Variants in MTMR1 observed in about 807,000 individuals in gnomAD.
MTMR1 encodes myotubularin related protein 1, also known as phosphatidylinositol-3-phosphate phosphatase MTMR1.
MTMR1 carries 17 observed loss-of-function variants against 51.6 expected under a neutral mutation model. The observed-to-expected ratio is 0.33, with a 90% CI of 0.23 to 0.49. The LOEUF is 0.49. MTMR1 is among the 20% of genes least tolerant of loss of function. The pLI is 0.99. For missense variants in MTMR1, 386 were observed against 526.9 expected (o/e 0.73, Z 2.62); for synonymous variants, 201 against 205.6 (o/e 0.98, Z 0.19).
At chrX:150,742,255 G>A (rs1191461840) in intron 12 of MTMR1, among the ~76,000 whole-genome samples, 1 of 111,699 alleles carries the variant, frequency 9.0e-6, no homozygotes, top group African/African-American at 3.3e-5. Flanking sequence ...TTACTCCTAG[G>A]CTACAAACCT....
chrX:150,757,249 C>T (rs962449651), intron 15 of MTMR1, among the ~76,000 whole-genome samples: 1 of 112,435 alleles, frequency 8.9e-6, no homozygotes, highest in South Asian at 3.7e-4. Flanking sequence ...TGGAAAGCTC[C>T]CTCACTGGTG....
In MTMR1 at chrX:150,732,559, T is replaced by C; in HGVS notation, c.909T>C (p.His303=). The stretch of plus-strand genomic sequence containing the variant: ...AACACTAGGTGTTGTCATGGATTCA[T>C]CCGGAAAGTCAAGCAACGATTACCC... ...KGRVPVLSWI[H]PESQATITRC... Residue 303 remains histidine, a synonymous_variant, in exon 10 of 16, where the codon CAT becomes CAC. Transcript: ENST00000445323. 8.3e-7 allele frequency: 1 copy of C among 1,208,765 alleles called. No homozygotes were observed. Among genetic ancestry groups the C allele is most frequent in the Non-Finnish European group, 1.1e-6 (1 of 893,979 alleles).
chrX:150,735,651 CTTA>C, intron 10 of MTMR1: 3 of 351,582 alleles, frequency 8.5e-6, no homozygotes, highest in Non-Finnish European at 1.5e-5. Flanking sequence ...TTAAAAAAAA[CTTA>C]TTGTTACTAT....
At chrX:150,745,249 G>A (rs188788348) in intron 13 of MTMR1, among the ~76,000 whole-genome samples, 2 of 112,073 alleles carry the variant, frequency 1.8e-5, no homozygotes, top group Admixed American at 9.4e-5. Flanking sequence ...TGCCTGCTGC[G>A]CAACCTGGCT....
chrX:150,693,395 T>A (rs2148532256), upstream of MTMR1: 1 of 718,508 alleles, frequency 1.4e-6, no homozygotes, highest in African/African-American at 2.4e-5. Context: ...GGCCGCCAGG[T>A]GACAGCTAAT....
Position 150,737,316 on chromosome X carries a change from C to T in MTMR1, c.1341C>T (p.Ser447=), listed in dbSNP as rs782741204. The change falls in exon 12 of 16, where the codon AGC becomes AGT. Residue 447 remains serine (S), a synonymous_variant. Transcript: ENST00000445323. ...SGKTSVVVHC[S]DGWDRTAQLT... ...AAACATCTGTGGTGGTGCATTGCAG[C>T]GACGGTTGGGACCGAACAGCCCAGC... 4.1e-6 allele frequency: 5 copies of T among 1,209,523 alleles called. No individual in the cohort carries two copies. The highest frequency in any genetic ancestry group is 3.5e-5 in the South Asian group (2 of 56,812).
intron 4 of MTMR1, among the ~76,000 whole-genome samples, chrX:150,726,483 A>C (rs1470208809): frequency 3.6e-5 from 4 of 111,981 alleles, no homozygotes; most frequent in African/African-American, 1.3e-4. Flanking sequence ...CTCTCAGTAC[A>C]TAAGGAGTAT....
chrX:150,759,755 C>G (rs940832816), intron 15 of MTMR1, among the ~76,000 whole-genome samples: 1 of 110,283 alleles, frequency 9.1e-6, no homozygotes, highest in East Asian at 2.8e-4. Context: ...ATGATGGAAA[C>G]CACAGCGACA....
At chrX:150,734,792 G>A (rs909566322) in intron 10 of MTMR1, among the ~76,000 whole-genome samples, 5 of 112,368 alleles carry the variant, frequency 4.4e-5, no homozygotes, top group African/African-American at 9.7e-5. Context: ...TTACAATCTG[G>A]CTGCCTTTCA....
intron 14 of MTMR1, among the ~76,000 whole-genome samples, chrX:150,751,910 CTTTTTTTTTTT>C (rs35937277): frequency 2.4e-5 from 1 of 41,622 alleles, no homozygotes; most frequent in Non-Finnish European, 4.2e-5. Flanking sequence ...CTTTTTCTTT[CTTTTTTTTTTT>C]TTTTTTTTTT....
chrX:150,744,288 C>T, intron 12 of MTMR1, 73 bp from the exon 13 acceptor site: 1 of 854,377 alleles, frequency 1.2e-6, no homozygotes, highest in Non-Finnish European at 1.7e-6. Flanking sequence ...ATTCTTACCA[C>T]TGGACAACTT....
chrX:150,712,583 G>A (rs1456823374), intron 3 of MTMR1: 12 of 385,956 alleles, frequency 3.1e-5, no homozygotes, highest in East Asian at 1.3e-4. Flanking sequence ...GTGTGAGGGC[G>A]GGATGCTAAA....
In MTMR1 at chrX:150,755,706, G is replaced by A. The variant is rs142761785; in HGVS notation, c.1698G>A (p.Thr566=). The change falls in exon 15 of 16, where the codon ACG becomes ACA. Residue 566 remains threonine (T), a synonymous_variant. Coordinates refer to ENST00000445323, the MANE Select transcript of MTMR1 (RefSeq NM_001306144.3). The part of the protein sequence containing the change: ...QRFKEDVYTK[T]ISLWSYINSQ... ...TTTTTCAGGATGTATATACAAAGAC[G>A]ATATCTTTATGGTCGTATATCAATA... 1.3e-5 allele frequency: 15 copies of A among 1,182,824 alleles called. No individual in the cohort carries two copies. Among genetic ancestry groups the A allele is most frequent in the African/African-American group, 1.8e-5 (1 of 55,077 alleles).
At chrX:150,717,757 T>C (rs1557416445) in intron 3 of MTMR1, among the ~76,000 whole-genome samples, 1 of 111,873 alleles carries the variant, frequency 8.9e-6, no homozygotes, top group African/African-American at 3.3e-5. Context: ...GCAGTGCCAA[T>C]CTGCTAATTT....
chrX:150,735,578 T>C (rs1304183656), intron 10 of MTMR1: 10 of 447,442 alleles, frequency 2.2e-5, no homozygotes, highest in Non-Finnish European at 3.5e-5. Context: ...AACCTTGAAA[T>C]TGGACTTCTG....
At chrX:150,760,224 T>C (rs1446642524) in intron 15 of MTMR1, among the ~76,000 whole-genome samples, 2 of 106,853 alleles carry the variant, frequency 1.9e-5, no homozygotes, top group African/African-American at 6.7e-5. Context: ...GGGGAGTGCA[T>C]TGAAGACAGG....
rs371653998 is a variant in MTMR1 at position 150,730,573 on chromosome X, A to C, written c.706A>C (p.Lys236Gln). The C allele has an allele frequency of 1.5e-5, 17 of 1,166,828 alleles. No individual in the cohort carries two copies. In the African/African-American group the frequency reaches 2.8e-4, roughly 19 times the overall value. Residue 236 changes from lysine to glutamine, a missense_variant, in exon 8 of 16, where the codon AAA becomes CAA. Coordinates refer to ENST00000445323, the MANE Select transcript of MTMR1 (RefSeq NM_001306144.3). ...AGAAAAATTTCCAATTAATGGCTGG[A>C]AAGTTTATGATCCAGTATCTGAATA... ...YKEKFPINGW[K>Q]VYDPVSEYKR...
At chrX:150,762,436 C>A in intron 15 of MTMR1, 129 bp from the exon 16 acceptor site, 1 of 862,754 alleles carries the variant, frequency 1.2e-6, no homozygotes, top group Non-Finnish European at 1.7e-6. Flanking sequence ...TCGGTCAACG[C>A]CTCAGGAGAC....
intron 1 of MTMR1, 111 bp downstream of exon 1, chrX:150,693,787 G>A: frequency 1.9e-6 from 1 of 535,995 alleles, no homozygotes; most frequent in Non-Finnish European, 2.3e-6. Context: ...CGGTGGCGGG[G>A]TGGGCGGCCC....
Sources: allele counts gnomAD v4.1 joint callset (sites outside exome capture counted in the v4.1 genomes callset), GRCh38; gene constraint gnomAD v4.1.1; transcripts MANE v1.5; gene names NCBI Gene and HGNC (gene_info 2026-07-23, HGNC 2026-07-21).